SNX7: variants seen among roughly 807,000 people sequenced by gnomAD.
SNX7 encodes the protein sorting nexin-7.
SNX7 carries 35 observed loss-of-function variants against 48.4 expected under a neutral mutation model. That is an observed-to-expected ratio of 0.72 (90% CI 0.55 to 0.96). The LOEUF (loss-of-function observed/expected upper bound fraction) is 0.96, where lower values mean the gene tolerates loss of function less well. Among genes scored for constraint, SNX7 ranks in the 40% least tolerant of loss-of-function variants. The pLI is 0.00. For missense variants in SNX7, 553 were observed against 548.9 expected (o/e 1.01, Z -0.07); for synonymous variants, 190 against 190.2 (o/e 1.00, Z 0.01).
chr1:98,661,338 G>A (rs1317583255), upstream of SNX7, among the ~76,000 whole-genome samples: 1 of 150,266 alleles, frequency 6.7e-6, no homozygotes, highest in Non-Finnish European at 1.5e-5. Flanking sequence ...CAGCCTCGCT[G>A]TGGATCCCGC....
chr1:98,661,856 A>C lies in SNX7; in HGVS notation c.125A>C (p.Gln42Pro), dbSNP rs1458031809. ...PGSSGSSALL[Q>P]AEVLDLDEDE... ...AGCAGTGGCTCTTCCGCCCTGCTGCAGGCGGAGGTGCTGGATCTGGACGAG... is the reference window on the plus strand; with the variant it reads ...AGCAGTGGCTCTTCCGCCCTGCTGCCGGCGGAGGTGCTGGATCTGGACGAG... The change falls in exon 1 of 9, where the codon CAG becomes CCG. Residue 42 changes from glutamine (Q) to proline (P), a missense_variant. Coordinates refer to ENST00000306121, the MANE Select transcript of SNX7 (RefSeq NM_015976.5). 1 of 1,246,506 alleles carries C rather than the reference A, an allele frequency of 8.0e-7. No homozygotes were observed. The highest frequency in any genetic ancestry group is 1.0e-6 in the Non-Finnish European group (1 of 987,372). The allele number at this position is 1,246,506 out of a possible 1,614,324, so 77.2% of individuals were successfully genotyped here. A position where few individuals can be genotyped will look rare whatever the true frequency, so the allele number is the denominator to read the frequency against.
chr1:98,682,988 A>G (rs1179684703), intron 1 of SNX7, among the ~76,000 whole-genome samples: 2 of 152,038 alleles, frequency 1.3e-5, no homozygotes, highest in African/African-American at 4.8e-5. Flanking sequence ...TTGCATTTTT[A>G]TATTGCTATC....
chr1:98,729,957 AAAAG>A (rs755022765), intron 7 of SNX7, among the ~76,000 whole-genome samples: 17 of 152,178 alleles, frequency 1.1e-4, no homozygotes, highest in Non-Finnish European at 2.2e-4. Flanking sequence ...ATACAATAAA[AAAAG>A]AAAACTTCAG....
Position 98,760,094 on chromosome 1 carries a change from A to G in SNX7, c.1319A>G (p.Asn440Ser), listed in dbSNP as rs142563980. Residue 440 changes from asparagine to serine, a missense_variant, in exon 9 of 9, where the codon AAC becomes AGC. Transcript: ENST00000306121. ...TWESFLTSQT[N>S]LHLEEASEDK... is the part of the protein sequence containing the mutation. Reference sequence around the variant, plus strand: ...GAGTCATTCCTTACATCACAGACCAACCTTCACTTGGAAGAAGCCTCTGAA... The same window carrying G: ...GAGTCATTCCTTACATCACAGACCAGCCTTCACTTGGAAGAAGCCTCTGAA... 1.9e-6 allele frequency: 3 copies of G among 1,610,304 alleles called. No individual in the cohort carries two copies. The highest frequency in any genetic ancestry group is 1.3e-5 in the African/African-American group (1 of 74,872).
At chr1:98,738,450 C>T (rs1488033229) in intron 8 of SNX7, 61 bp downstream of exon 8, 5 of 1,506,926 alleles carry the variant, frequency 3.3e-6, no homozygotes, top group East Asian at 2.3e-5. Context: ...ACTTTTGGTC[C>T]GTCCAATGTT....
chr1:98,703,457 G>A (rs917371740), intron 7 of SNX7, among the ~76,000 whole-genome samples: 8 of 151,972 alleles, frequency 5.3e-5, no homozygotes, highest in Non-Finnish European at 1.2e-4. Context: ...CTCTCCAGTG[G>A]AATGTGAGTG....
chr1:98,729,484 A>C (rs1162033553), intron 7 of SNX7, among the ~76,000 whole-genome samples: 1 of 138,782 alleles, frequency 7.2e-6, no homozygotes. Context: ...AAATCAGTGA[A>C]TCCAGGAGCT....
intron 8 of SNX7, among the ~76,000 whole-genome samples, chr1:98,758,785 C>T (rs563086446): frequency 1.4e-4 from 21 of 151,986 alleles, no homozygotes; most frequent in Middle Eastern, 3.4e-3. Flanking sequence ...TGTAATTATA[C>T]GAATCTTTTA....
intron 1 of SNX7, among the ~76,000 whole-genome samples, chr1:98,684,329 A>G (rs140878262): frequency 3.0e-4 from 46 of 152,264 alleles, no homozygotes; most frequent in African/African-American, 1.1e-3. Flanking sequence ...GTAATTTATA[A>G]ATAATAGAAA....
At position 98,752,723 on chromosome 1, in the gene SNX7, G is replaced by C. The variant is rs1654647677; in HGVS notation, c.1279-7331G>C. Among the ~76,000 whole-genome samples, 3 of 151,952 alleles carry C rather than the reference G, an allele frequency of 2.0e-5. No homozygotes were observed. The South Asian group carries it at 6.2e-4, about 32-fold the overall frequency. ...TTTTCTGAGCACTTACCATATTCCT[G>C]GCATGTATTAATTCAGTCTTCTTCA... On this transcript the variant is annotated intron_variant, in intron 8 of 8. Transcript: ENST00000306121.
chr1:98,733,401 T>C (rs1422246468), intron 7 of SNX7, among the ~76,000 whole-genome samples: 1 of 152,118 alleles, frequency 6.6e-6, no homozygotes, highest in African/African-American at 2.4e-5. Context: ...TCTAGTCCTC[T>C]TTCTTAAACT....
At chr1:98,714,642 T>A (rs1254845753) in intron 7 of SNX7, among the ~76,000 whole-genome samples, 1 of 152,128 alleles carries the variant, frequency 6.6e-6, no homozygotes, top group South Asian at 2.1e-4. Context: ...AAGGGGCCAT[T>A]GATCCAAATT....
rs188108880 is a variant in SNX7, at chr1:98,698,791, T to C, written c.924T>C (p.Asp308=). 6.2e-7 allele frequency: 1 copy of C among 1,613,694 alleles called. No homozygotes were observed. The highest frequency in any genetic ancestry group is 1.7e-5 in the Admixed American group (1 of 59,956). The change falls in exon 6 of 9, where the codon GAT becomes GAC. Residue 308 remains aspartate, a synonymous_variant. Transcript: ENST00000306121. ...AGGATCTGGTTGATACTCTAAAGGA[T>C]GTTGCCAGCTGCATTGACAGATGCT... ...SEEDLVDTLK[D]VASCIDRCCK...
At chr1:98,701,416 G>T (rs1192114953) in intron 6 of SNX7, among the ~76,000 whole-genome samples, 1 of 151,988 alleles carries the variant, frequency 6.6e-6, no homozygotes, top group East Asian at 1.9e-4. Context: ...TGTAGATATG[G>T]TCCATGTGAC....
At chr1:98,679,287 G>T (rs909949365) in intron 1 of SNX7, among the ~76,000 whole-genome samples, 4 of 152,074 alleles carry the variant, frequency 2.6e-5, no homozygotes, top group Non-Finnish European at 5.9e-5. Flanking sequence ...AGCATGTGAA[G>T]ACCTGCCTCT....
chr1:98,698,571 AT>A (rs1419181683), intron 5 of SNX7, 134 bp from the exon 6 acceptor site: 4 of 767,160 alleles, frequency 5.2e-6, no homozygotes, highest in African/African-American at 1.8e-5. Context: ...GAAGGATGAT[AT>A]CCGTTTTCTT....
Position 98,663,252 on chromosome 1 carries a change from G to GTTTTTTTTTTTTTTT in SNX7, c.180+1341_180+1342insTTTTTTTTTTTTTTT, listed in dbSNP as rs1491348958. Among the ~76,000 whole-genome samples, 24 of 83,158 alleles carry GTTTTTTTTTTTTTTT rather than the reference G, an allele frequency of 2.9e-4. 11 individuals carry two copies. Among genetic ancestry groups the GTTTTTTTTTTTTTTT allele is most frequent in the African/African-American group, 4.9e-4 (9 of 18,292 alleles). 54.6% of individuals were successfully genotyped at this position (83,158 alleles called of 152,430 possible). A position where few individuals can be genotyped will look rare whatever the true frequency, so the allele number is the denominator to read the frequency against. On this transcript the variant is annotated intron_variant, in intron 1 of 8. Transcript: ENST00000306121. ...ATCAGAATCATCAGGGTTTCTTTCTGGTTTTTTTTTTTTTTTTTTTTTTTT... is the reference window on the plus strand; with the variant it reads ...ATCAGAATCATCAGGGTTTCTTTCTGTTTTTTTTTTTTTTTGTTTTTTTTTTTTTTTTTTTTTTTT...
At chr1:98,719,880 A>G (rs376587701) in intron 7 of SNX7, among the ~76,000 whole-genome samples, 2 of 148,490 alleles carry the variant, frequency 1.3e-5, no homozygotes, top group African/African-American at 4.9e-5. Flanking sequence ...TAAAATATAT[A>G]TTTTTAATGG....
chr1:98,661,576 C>A, upstream of SNX7: 1 of 663,494 alleles, frequency 1.5e-6, no homozygotes, highest in Admixed American at 4.9e-5. Flanking sequence ...CCGGCCCGGG[C>A]CAGCGCTGGT....
Sources: allele counts gnomAD v4.1 joint callset (sites outside exome capture counted in the v4.1 genomes callset), GRCh38; gene constraint gnomAD v4.1.1; transcripts MANE v1.5; gene names NCBI Gene and HGNC (gene_info 2026-07-23, HGNC 2026-07-21).